Variants in OTOGL observed in about 807,000 individuals in gnomAD.
The protein encoded by OTOGL is otogelin like.
A neutral mutation model predicts 318.5 loss-of-function variants in OTOGL; 285 were observed. The observed-to-expected ratio is 0.89, with a 90% CI of 0.81 to 0.99. The LOEUF (loss-of-function observed/expected upper bound fraction) is 0.99, where lower values mean the gene tolerates loss of function less well. Among genes scored for constraint, OTOGL ranks in the 50% least tolerant of loss-of-function variants. The pLI is 0.00. For missense variants in OTOGL, 2,899 were observed against 2,845.6 expected (o/e 1.02, Z -0.43); for synonymous variants, 987 against 936.5 (o/e 1.05, Z -0.99).
intron 1 of OTOGL, among the ~76,000 whole-genome samples, chr12:80,190,361 G>A (rs188028337): frequency 6.6e-6 from 1 of 152,296 alleles, no homozygotes; most frequent in Admixed American, 6.5e-5. Flanking sequence ...AATTAAAGCT[G>A]AGTTCTACCT....
At chr12:80,250,025 G>A (rs1338653646) in intron 11 of OTOGL, among the ~76,000 whole-genome samples, 7 of 151,836 alleles carry the variant, frequency 4.6e-5, no homozygotes, top group East Asian at 3.9e-4. Flanking sequence ...GCTTCGGCTC[G>A]CGCACGGTGC....
At chr12:80,130,373 A>G (rs1871164980) in intron 1 of OTOGL, among the ~76,000 whole-genome samples, 1 of 152,256 alleles carries the variant, frequency 6.6e-6, no homozygotes, top group Admixed American at 6.5e-5. Context: ...AATGTTGATT[A>G]GATTGCATGA....
intron 1 of OTOGL, among the ~76,000 whole-genome samples, chr12:80,204,681 A>G (rs945518794): frequency 6.6e-6 from 1 of 151,988 alleles, no homozygotes; most frequent in African/African-American, 2.4e-5. Flanking sequence ...ACTTGGAAGT[A>G]CGGAATTTAA....
At chr12:80,355,171 G>A (rs1272073346) in intron 46 of OTOGL, among the ~76,000 whole-genome samples, 2 of 150,710 alleles carry the variant, frequency 1.3e-5, no homozygotes, top group Non-Finnish European at 3.0e-5. Context: ...TTTACAGATG[G>A]TTGTAAAAGG....
rs576217819 is a variant in OTOGL at position 80,315,166 on chromosome 12, C to T, written c.3634+835C>T. Among the ~76,000 whole-genome samples, 5 of 152,088 alleles carry T rather than the reference C, an allele frequency of 3.3e-5. No homozygotes were observed. The East Asian group carries it at 7.7e-4, about 23-fold the overall frequency. On this transcript the variant is annotated intron_variant, in intron 32 of 58. Coordinates refer to ENST00000547103, the MANE Select transcript of OTOGL (RefSeq NM_001378609.3). ...ATAAGTTCTGGTATCTATTACACAG[C>T]GTGGTGACTATATTCACAATTTTCT...
intron 30 of OTOGL, among the ~76,000 whole-genome samples, chr12:80,311,637 C>T (rs1216951848): frequency 6.6e-6 from 1 of 152,162 alleles, no homozygotes; most frequent in Non-Finnish European, 1.5e-5. Context: ...GAACTCCTGA[C>T]CTCAGATGAT....
At chr12:80,199,589 T>G (rs953601600) in intron 1 of OTOGL, among the ~76,000 whole-genome samples, 1 of 152,220 alleles carries the variant, frequency 6.6e-6, no homozygotes, top group Non-Finnish European at 1.5e-5. Context: ...GTTTTATTTG[T>G]ATAGAATTCA....
At chr12:80,328,342 A>ACAACAG (rs1430011729) in intron 35 of OTOGL, among the ~76,000 whole-genome samples, 1 of 151,442 alleles carries the variant, frequency 6.6e-6, no homozygotes, top group Non-Finnish European at 1.5e-5. Context: ...AACAACAACA[A>ACAACAG]CAACAACAAC....
chr12:80,248,184 T>A (rs1881100413), intron 11 of OTOGL, among the ~76,000 whole-genome samples: 1 of 143,894 alleles, frequency 6.9e-6, no homozygotes, highest in Admixed American at 6.9e-5. Context: ...AATATTGTTA[T>A]GTGTGAATTT....
At chr12:80,294,542 T>C (rs565159406) in intron 26 of OTOGL, among the ~76,000 whole-genome samples, 1 of 152,296 alleles carries the variant, frequency 6.6e-6, no homozygotes, top group Admixed American at 6.5e-5. Context: ...ATAATCATCT[T>C]AATGACCCTT....
At chr12:80,199,046 C>T (rs1337973710) in intron 1 of OTOGL, among the ~76,000 whole-genome samples, 1 of 152,182 alleles carries the variant, frequency 6.6e-6, no homozygotes, top group Admixed American at 6.5e-5. Context: ...TGCATGCACA[C>T]AATCCTGTTT....
Position 80,110,288 on chromosome 12 carries a change from C to T in OTOGL, c.-20+10683C>T, listed in dbSNP as rs181592979. 6.4e-3 allele frequency among the ~76,000 whole-genome samples: 974 copies of T among 152,176 alleles called. 14 individuals carry two copies. The highest frequency in any genetic ancestry group is 0.021 in the African/African-American group (860 of 41,522). ...TTCACCGTGTTAGCCAGGATGGTCT[C>T]GATCTCCTGACCTCAGGCTCCGCCT... is the stretch of plus-strand genomic sequence containing the variant. On this transcript the variant is annotated intron_variant, in intron 1 of 58. Coordinates refer to ENST00000547103, the MANE Select transcript of OTOGL (RefSeq NM_001378609.3).
At chr12:80,272,350 G>GTGTGTC (rs1175524075) in intron 24 of OTOGL, among the ~76,000 whole-genome samples, 1 of 7,468 alleles carries the variant, frequency 1.3e-4, no homozygotes, top group Non-Finnish European at 5.3e-4. Flanking sequence ...TGATGTGTGT[G>GTGTGTC]TGTGTGTGTG....
intron 35 of OTOGL, 39 bp from the exon 36 acceptor site, chr12:80,328,625 AC>A: frequency 6.9e-7 from 1 of 1,443,358 alleles, no homozygotes; most frequent in Non-Finnish European, 9.6e-7. Flanking sequence ...TGTATTTCAA[AC>A]TTTTCTTCAC....
chr12:80,122,741 A>G (rs945655856), intron 1 of OTOGL, among the ~76,000 whole-genome samples: 1 of 152,154 alleles, frequency 6.6e-6, no homozygotes, highest in Admixed American at 6.6e-5. Context: ...TGGAAACAGT[A>G]TGCAAACACT....
intron 1 of OTOGL, among the ~76,000 whole-genome samples, chr12:80,178,963 TATA>T (rs534570816): frequency 7.2e-4 from 109 of 152,288 alleles, no homozygotes; most frequent in African/African-American, 2.5e-3. Context: ...AGAATCGGAA[TATA>T]ATATTGAAAC....
chr12:80,232,445 G>A (rs1879453689), intron 8 of OTOGL, among the ~76,000 whole-genome samples: 1 of 152,148 alleles, frequency 6.6e-6, no homozygotes, highest in African/African-American at 2.4e-5. Flanking sequence ...CAAGCATCAT[G>A]TTTGTATATT....
intron 35 of OTOGL, among the ~76,000 whole-genome samples, chr12:80,324,714 GAACA>G (rs1380434832): frequency 6.6e-6 from 1 of 152,106 alleles, no homozygotes; most frequent in African/African-American, 2.4e-5. Context: ...AGGTTATGAG[GAACA>G]AACAGATTTA....
At chr12:80,366,516 T>TATATATAC in intron 52 of OTOGL, 58 bp from the exon 53 acceptor site, 1 of 266,058 alleles carries the variant, frequency 3.8e-6, no homozygotes, top group Non-Finnish European at 6.4e-6. Flanking sequence ...ATAGGTTATA[T>TATATATAC]ATATATATAT....
Sources: gnomAD v4.1 joint callset for allele counts (sites outside exome capture counted in the v4.1 genomes callset) on GRCh38, gnomAD v4.1.1 for gene constraint, MANE v1.5 for transcripts, NCBI Gene and HGNC (gene_info 2026-07-23, HGNC 2026-07-21) for gene names.